The following RBM44 variants were observed in gnomAD, a reference collection of about 807,000 sequenced individuals.
RBM44 encodes the protein RNA binding motif protein 44.
In RBM44, 66 loss-of-function variants were observed where a neutral mutation model predicts 105.1. The observed-to-expected ratio is 0.63, with a 90% CI of 0.52 to 0.77. RBM44 has a LOEUF of 0.77. Ranked by LOEUF, RBM44 falls within the 30% of genes least tolerant of loss-of-function variation. The pLI, the probability that RBM44 is intolerant of heterozygous loss-of-function variation, is 0.00. For synonymous variants in RBM44, 365 were observed against 417.6 expected, an observed-to-expected ratio of 0.87 and a Z score of 1.54; for missense variants, 1,122 against 1,207.8, an observed-to-expected ratio of 0.93 and a Z score of 1.05.
intron 1 of RBM44, among the ~76,000 whole-genome samples, chr2:237,812,443 A>G (rs1489352342): frequency 6.6e-6 from 1 of 152,134 alleles, no homozygotes; most frequent in African/African-American, 2.4e-5. Flanking sequence ...TCATTAATTT[A>G]TTTTAATTAT....
chr2:237,841,290 C>T lies in RBM44; in HGVS notation c.*23-549C>T, dbSNP rs547659802. On this transcript the variant is annotated intron_variant, in intron 15 of 15. Coordinates refer to ENST00000316997, the MANE Select transcript of RBM44 (RefSeq NM_001080504.3). The surrounding 1 kb of genome is among the most constrained non-coding windows in gnomAD (Gnocchi z 4.5). The stretch of plus-strand genomic sequence containing the variant: ...CAGCAGTATGGATGGAGCTAGAGGC[C>T]GTTATCCTAAGCAAACTAATGCAGG... 1.1e-4 allele frequency among the ~76,000 whole-genome samples: 16 copies of T among 152,132 alleles called. No homozygotes were observed. The highest frequency in any genetic ancestry group is 2.4e-4 in the Non-Finnish European group (16 of 68,024).
At chr2:237,806,879 G>T (rs1181071262) in intron 1 of RBM44, among the ~76,000 whole-genome samples, 1 of 151,940 alleles carries the variant, frequency 6.6e-6, no homozygotes, top group Non-Finnish European at 1.5e-5. Context: ...GGGGTGGGGG[G>T]TGCGGGGAGT....
chr2:237,802,163 C>A (rs1201902782), intron 1 of RBM44, among the ~76,000 whole-genome samples: 1 of 152,180 alleles, frequency 6.6e-6, no homozygotes, highest in East Asian at 1.9e-4. Context: ...GAAAAGCCTT[C>A]ACTAATCCTT....
At position 237,841,488 on chromosome 2, in the gene RBM44, G is replaced by T. The variant is rs569380607; in HGVS notation, c.*23-351G>T. ...GTACCACGCTTATTACCTGGATGAT[G>T]AAATAATCTATACACTAAACCCTGC... On this transcript the variant is annotated intron_variant, in intron 15 of 15. Coordinates refer to ENST00000316997, the MANE Select transcript of RBM44 (RefSeq NM_001080504.3). The surrounding 1 kb of genome is among the most constrained non-coding windows in gnomAD (Gnocchi z 4.5). 3.2e-4 allele frequency among the ~76,000 whole-genome samples: 48 copies of T among 152,256 alleles called. No individual in the cohort carries two copies. The South Asian group carries it at 7.1e-3, about 22-fold the overall frequency.
chr2:237,820,912 G>A (rs773105990), intron 5 of RBM44, 159 bp from the exon 6 acceptor site: 228 of 521,944 alleles, frequency 4.4e-4, no homozygotes, highest in Non-Finnish European at 9.3e-5. Flanking sequence ...AATTAGCTGG[G>A]CATTGTGGCA....
At chr2:237,816,039 G>C (rs1013429943) in intron 2 of RBM44, among the ~76,000 whole-genome samples, 1 of 152,092 alleles carries the variant, frequency 6.6e-6, no homozygotes, top group Admixed American at 6.6e-5. Flanking sequence ...TGTCATACTC[G>C]TAAGAGTTCT....
At chr2:237,831,009 A>G (rs1055581684) in intron 13 of RBM44, among the ~76,000 whole-genome samples, 10 of 151,780 alleles carry the variant, frequency 6.6e-5, no homozygotes, top group African/African-American at 1.9e-4. Flanking sequence ...GAATAAATGT[A>G]TCTGATTTTT....
chr2:237,824,673 G>T (rs375559433), intron 10 of RBM44, among the ~76,000 whole-genome samples: 3 of 152,014 alleles, frequency 2.0e-5, no homozygotes, highest in African/African-American at 7.2e-5. Flanking sequence ...CTTGCTCTAG[G>T]CCAACATCAG....
chr2:237,834,280 A>T lies in RBM44; in HGVS notation c.3035A>T (p.Asp1012Val). Residue 1012 changes from aspartate (D) to valine (V), a missense_variant and splice_region_variant, in exon 15 of 16, where the codon GAC (aspartate) becomes GTC (valine). Coordinates refer to ENST00000316997, the MANE Select transcript of RBM44 (RefSeq NM_001080504.3). ...ATGTATGTTTTCCTTTTTCATAGAG[A>T]CCATATTATAAATGCACTTCAGGAA... ...LAELHPEVSR[D>V]HIINALQEVR... 6.4e-7 allele frequency: 1 copy of T among 1,571,960 alleles called. No homozygotes were observed. Among genetic ancestry groups the T allele is most frequent in the Non-Finnish European group, 8.6e-7 (1 of 1,160,410 alleles).
intron 1 of RBM44, chr2:237,799,245 T>C (rs2061519732): frequency 1.3e-5 from 2 of 152,370 alleles, no homozygotes; most frequent in Non-Finnish European, 2.9e-5. Flanking sequence ...GCGGGGACTC[T>C]AGCGAGAGGG....
chr2:237,804,767 A>G (rs760347471), intron 1 of RBM44, among the ~76,000 whole-genome samples: 3 of 152,144 alleles, frequency 2.0e-5, no homozygotes, highest in Non-Finnish European at 4.4e-5. Context: ...CTCTGTTGAT[A>G]GTGTCTTTTG....
Position 237,821,099 on chromosome 2 carries a change from G to A in RBM44, c.1942G>A (p.Glu648Lys), listed in dbSNP as rs990166308. 3.2e-6 allele frequency: 5 copies of A among 1,586,816 alleles called. No individual in the cohort carries two copies. The South Asian group carries it at 4.7e-5, about 15-fold the overall frequency. ...MNLSSNSAKK[E>K]LGSALLSLLG... is the part of the protein sequence containing the mutation. ...TTTATCAAGTAATTCTGCTAAGAAGGAATTGGGATCAGCACTACTGTCTCT... is the reference window on the plus strand; with the variant it reads ...TTTATCAAGTAATTCTGCTAAGAAGAAATTGGGATCAGCACTACTGTCTCT... The change falls in exon 6 of 16, where the codon GAA becomes AAA. Residue 648 changes from glutamate to lysine, a missense_variant. Physicochemically the swap from Glu to Lys is moderately conservative, Grantham distance 56. Coordinates refer to ENST00000316997, the MANE Select transcript of RBM44 (RefSeq NM_001080504.3).
intron 9 of RBM44, 38 bp downstream of exon 9, chr2:237,823,592 A>G (rs533299252): frequency 1.1e-6 from 1 of 922,478 alleles, no homozygotes; most frequent in Admixed American, 2.3e-5. Context: ...TAGTTGCTGG[A>G]AAACAAAATA....
At chr2:237,807,938 C>A (rs1378256045) in intron 1 of RBM44, among the ~76,000 whole-genome samples, 5 of 152,106 alleles carry the variant, frequency 3.3e-5, no homozygotes, top group Non-Finnish European at 1.5e-5. Flanking sequence ...TTTATATATA[C>A]AACTTATCAA....
intron 4 of RBM44, among the ~76,000 whole-genome samples, chr2:237,819,554 T>C (rs947797032): frequency 3.9e-5 from 6 of 152,012 alleles, no homozygotes; most frequent in African/African-American, 1.2e-4. Context: ...AATTAAATTA[T>C]TGGTTTCTAG....
chr2:237,811,020 A>G (rs2061653144), intron 1 of RBM44, among the ~76,000 whole-genome samples: 1 of 152,120 alleles, frequency 6.6e-6, no homozygotes, highest in Non-Finnish European at 1.5e-5. Flanking sequence ...GGGAAGGTTA[A>G]GTTTGAATGT....
chr2:237,834,479 G>T, intron 15 of RBM44, 56 bp downstream of exon 15: 1 of 819,358 alleles, frequency 1.2e-6, no homozygotes, highest in Admixed American at 3.8e-5. Context: ...ATAAGCTATT[G>T]ATTTCATTTT....
At chr2:237,808,031 T>C (rs2061616498) in intron 1 of RBM44, among the ~76,000 whole-genome samples, 1 of 151,876 alleles carries the variant, frequency 6.6e-6, no homozygotes, top group African/African-American at 2.4e-5. Flanking sequence ...TAATAGACAA[T>C]ACAAACAGAT....
chr2:237,813,353 TTAG>T (rs150326671), intron 1 of RBM44, among the ~76,000 whole-genome samples: 216 of 152,366 alleles, frequency 1.4e-3, no homozygotes, highest in African/African-American at 4.9e-3. Flanking sequence ...TCATTGGTTT[TTAG>T]TAAGTGTACA....
Sources: allele counts gnomAD v4.1 joint callset (sites outside exome capture counted in the v4.1 genomes callset), GRCh38; gene constraint gnomAD v4.1.1; non-coding constraint Gnocchi (gnomAD v3.1); transcripts MANE v1.5; gene names NCBI Gene and HGNC (gene_info 2026-07-23, HGNC 2026-07-21).